CERS3: variants seen among roughly 807,000 people sequenced by gnomAD.
The protein encoded by CERS3 is LAG1 homolog, ceramide synthase 3.
CERS3 carries 33 observed loss-of-function variants against 50.3 expected under a neutral mutation model. That is an observed-to-expected ratio of 0.66 (90% CI 0.50 to 0.88). CERS3 has a LOEUF of 0.88. CERS3 is among the 40% of genes least tolerant of loss of function. The pLI is 0.00. For synonymous variants in CERS3, 176 were observed against 155.2 expected, an observed-to-expected ratio of 1.13 and a Z score of -0.99; for missense variants, 470 against 460.3, an observed-to-expected ratio of 1.02 and a Z score of -0.19.
chr15:100,466,199 T>C (rs2034708677), intron 10 of CERS3, among the ~76,000 whole-genome samples: 2 of 152,202 alleles, frequency 1.3e-5, no homozygotes, highest in South Asian at 4.1e-4. Context: ...AATAGCGCAC[T>C]ACCCCGACAA....
intron 2 of CERS3, among the ~76,000 whole-genome samples, chr15:100,518,082 C>A (rs545341769): frequency 6.6e-6 from 1 of 152,312 alleles, no homozygotes; most frequent in African/African-American, 2.4e-5. Flanking sequence ...GCTAACTACT[C>A]ACCAAGAGAA....
intron 1 of CERS3, among the ~76,000 whole-genome samples, chr15:100,522,879 A>G (rs1234308786): frequency 6.6e-6 from 1 of 152,218 alleles, no homozygotes; most frequent in Non-Finnish European, 1.5e-5. Context: ...AGGCATATGT[A>G]TATTCAGTTT....
chr15:100,450,445 G>C (rs1390650159), intron 11 of CERS3, among the ~76,000 whole-genome samples: 1 of 127,744 alleles, frequency 7.8e-6, no homozygotes, highest in East Asian at 2.4e-4. Flanking sequence ...AAAAAGACTA[G>C]ATCAAGCAGA....
intron 10 of CERS3, among the ~76,000 whole-genome samples, chr15:100,459,278 T>C (rs2034476764): frequency 6.6e-6 from 1 of 152,156 alleles, no homozygotes; most frequent in Non-Finnish European, 1.5e-5. Flanking sequence ...TTAGAAAGAA[T>C]ACTGTGAGAA....
intron 11 of CERS3, among the ~76,000 whole-genome samples, chr15:100,423,340 T>A (rs1489150879): frequency 6.6e-6 from 1 of 152,196 alleles, no homozygotes; most frequent in Non-Finnish European, 1.5e-5. Flanking sequence ...ATAGCACTAT[T>A]CACAATAGCA....
intron 11 of CERS3, among the ~76,000 whole-genome samples, chr15:100,441,800 T>TC (rs1350471955): frequency 8.2e-6 from 1 of 121,758 alleles, no homozygotes; most frequent in Non-Finnish European, 1.8e-5. Context: ...TACACATCAG[T>TC]CCCCCCCAGT....
chr15:100,452,719 G>C (rs1015532065), intron 11 of CERS3, among the ~76,000 whole-genome samples: 3 of 151,968 alleles, frequency 2.0e-5, no homozygotes, highest in Admixed American at 1.3e-4. Context: ...TTAGAAGTTA[G>C]TTTTTGAAAA....
chr15:100,422,963 T>C (rs968871510), intron 11 of CERS3, among the ~76,000 whole-genome samples: 1 of 147,686 alleles, frequency 6.8e-6, no homozygotes, highest in African/African-American at 2.5e-5. Flanking sequence ...GGAGGGATAG[T>C]ATCCGGAGAT....
chr15:100,421,519 T>C (rs1369178988), intron 11 of CERS3, among the ~76,000 whole-genome samples: 2 of 151,700 alleles, frequency 1.3e-5, no homozygotes, highest in Non-Finnish European at 2.9e-5. Flanking sequence ...CAAGGTAATT[T>C]ATAGATTCAA....
intron 5 of CERS3, among the ~76,000 whole-genome samples, chr15:100,482,278 A>G (rs1024296247): frequency 1.3e-5 from 2 of 152,252 alleles, no homozygotes; most frequent in African/African-American, 4.8e-5. Context: ...CTGAAAAGCC[A>G]TTCAGAAACG....
chr15:100,473,945 A>G (rs1276610583), intron 8 of CERS3, among the ~76,000 whole-genome samples: 1 of 152,264 alleles, frequency 6.6e-6, no homozygotes, highest in African/African-American at 2.4e-5. Flanking sequence ...ACTATTACTT[A>G]GCAATAAAAA....
At chr15:100,411,278 C>G (rs1388150332) in intron 11 of CERS3, among the ~76,000 whole-genome samples, 1 of 152,186 alleles carries the variant, frequency 6.6e-6, no homozygotes, top group Non-Finnish European at 1.5e-5. Context: ...TCTCCTGCCT[C>G]AGCCTCCCAA....
intron 11 of CERS3, among the ~76,000 whole-genome samples, chr15:100,454,557 C>T (rs147464031): frequency 1.5e-4 from 23 of 152,076 alleles, no homozygotes; most frequent in Admixed American, 6.5e-4. Context: ...ATCAACTCAA[C>T]ACAGATTATA....
chr15:100,505,055 T>C (rs1380792731), intron 2 of CERS3, among the ~76,000 whole-genome samples: 2 of 152,174 alleles, frequency 1.3e-5, no homozygotes, highest in Non-Finnish European at 2.9e-5. Context: ...GTTCCTCAAC[T>C]GCATCACAAC....
chr15:100,444,628 T>C (rs942048750), intron 11 of CERS3, among the ~76,000 whole-genome samples: 2 of 152,166 alleles, frequency 1.3e-5, no homozygotes, highest in Admixed American at 1.3e-4. Flanking sequence ...TTCTCAGTGT[T>C]CCATCTGCTA....
intron 10 of CERS3, among the ~76,000 whole-genome samples, chr15:100,457,143 A>C (rs2034400713): frequency 6.6e-6 from 1 of 152,158 alleles, no homozygotes; most frequent in Non-Finnish European, 1.5e-5. Context: ...ACAATATTGT[A>C]ATTTTCATGC....
At chr15:100,483,997 T>C (rs746131416) in intron 5 of CERS3, among the ~76,000 whole-genome samples, 29 of 151,712 alleles carry the variant, frequency 1.9e-4, no homozygotes, top group Non-Finnish European at 2.8e-4. Context: ...CTTGATCTCC[T>C]GACCACCTCT....
chr15:100,503,202 G>A (rs548254138), intron 2 of CERS3, among the ~76,000 whole-genome samples: 63 of 152,202 alleles, frequency 4.1e-4, no homozygotes, highest in Middle Eastern at 3.4e-3. Context: ...CCTCTTAATC[G>A]GGAAATAACA....
chr15:100,457,717 T>C (rs2034422768), intron 10 of CERS3, among the ~76,000 whole-genome samples: 1 of 152,248 alleles, frequency 6.6e-6, no homozygotes. Flanking sequence ...CTGGTAAATA[T>C]ATGCTTAACT....
Sources: allele counts gnomAD v4.1 joint callset (sites outside exome capture counted in the v4.1 genomes callset), GRCh38; gene constraint gnomAD v4.1.1; transcripts MANE v1.5; gene names NCBI Gene and HGNC (gene_info 2026-07-23, HGNC 2026-07-21).